The following CYP4F12 variants were observed in gnomAD, a reference collection of about 807,000 sequenced individuals.
CYP4F12 encodes cytochrome P450 4F12.
In CYP4F12, 60 loss-of-function variants were observed where a neutral mutation model predicts 56.5. The ratio of observed to expected loss-of-function variants is 1.06; its 90% CI spans 0.86 to 1.32. CYP4F12 has a LOEUF of 1.32. Among genes scored for constraint, CYP4F12 ranks in the 40% most tolerant of loss-of-function variants. The pLI is 0.00. For synonymous variants in CYP4F12, 263 were observed against 264.9 expected (o/e 0.99, Z 0.07); for missense variants, 711 against 683.5 (o/e 1.04, Z -0.45).
At position 15,695,984 on chromosome 19, in the gene CYP4F12, C is replaced by A; in HGVS notation, c.1164C>A (p.Ser388Arg). 6.2e-7 allele frequency: 1 copy of A among 1,613,972 alleles called. No individual in the cohort carries two copies. Among genetic ancestry groups the A allele is most frequent in the Non-Finnish European group, 8.5e-7 (1 of 1,179,966 alleles). Residue 388 changes from serine (S) to arginine (R), a missense_variant, in exon 10 of 13, where the codon AGC becomes AGA. Coordinates refer to ENST00000550308, the MANE Select transcript of CYP4F12 (RefSeq NM_023944.4). ...LPFLTMCVKE[S>R]LRLHPPAPFI... is the part of the protein sequence containing the mutation. ...TCCTGACCATGTGCGTGAAGGAGAG[C>A]CTGAGGTTACATCCCCCAGCTCCCT...
intron 9 of CYP4F12, among the ~76,000 whole-genome samples, chr19:15,693,091 G>C (rs941453700): frequency 2.0e-5 from 3 of 151,904 alleles, no homozygotes; most frequent in Non-Finnish European, 4.4e-5. Flanking sequence ...CATCAAAAAA[G>C]ATACAGAATA....
Position 15,685,059 on chromosome 19 carries a change from G to A in CYP4F12, c.986-9G>A, listed in dbSNP as rs1158912500. 6.2e-7 allele frequency: 1 copy of A among 1,610,250 alleles called. No individual in the cohort carries two copies. The highest frequency in any genetic ancestry group is 8.5e-7 in the Non-Finnish European group (1 of 1,177,570). On this transcript the variant is annotated splice_polypyrimidine_tract_variant and intron_variant, in intron 8 of 12. Transcript: ENST00000550308. ...GTGCTGAAGCCAAGCTTACCTGGCT[G>A]CTCCTCAGGCCATGACACCACGGCC...
intron 2 of CYP4F12, among the ~76,000 whole-genome samples, chr19:15,675,026 C>G (rs995962853): frequency 6.6e-6 from 1 of 152,234 alleles, no homozygotes; most frequent in African/African-American, 2.4e-5. Flanking sequence ...TCTCTGACTT[C>G]CTTCCCCACG....
chr19:15,692,411 T>C (rs1052111792), intron 9 of CYP4F12, among the ~76,000 whole-genome samples: 1 of 152,220 alleles, frequency 6.6e-6, no homozygotes, highest in Non-Finnish European at 1.5e-5. Flanking sequence ...ATGACTAGTA[T>C]CTTTTCTTTT....
rs10421387 is a variant in CYP4F12, at chr19:15,696,918, G to C, written c.1408G>C (p.Gly470Arg). The change falls in exon 13 of 13, where the codon GGG becomes CGG. Residue 470 changes from glycine (G) to arginine (R), a missense_variant. Physicochemically the swap from Gly to Arg is moderately radical, Grantham distance 125. Coordinates refer to ENST00000550308, the MANE Select transcript of CYP4F12 (RefSeq NM_023944.4). Reference sequence around the variant, plus strand: ...CACTCCCGCCTGCAGGAACTGCATCGGGCAGGCGTTCGCCATGGCGGAGAT... The same window carrying C: ...CACTCCCGCCTGCAGGAACTGCATCCGGCAGGCGTTCGCCATGGCGGAGAT... The part of the protein sequence containing the change: ...PFSAGPRNCI[G>R]QAFAMAEMKV... The C allele has an allele frequency of 1.9e-6, 3 of 1,612,920 alleles. No homozygotes were observed. The highest frequency in any genetic ancestry group is 1.7e-6 in the Non-Finnish European group (2 of 1,179,414).
chr19:15,673,443 C>A lies in CYP4F12; in HGVS notation c.-1-86C>A, dbSNP rs149738111. ...TGAGCCCTCCCTGCCCTGCCCCCAG[C>A]AGTTCCTGACTTCGCCCCTATACAC... On this transcript the variant is annotated intron_variant, in intron 1 of 12. Transcript: ENST00000550308. 1.4e-3 allele frequency: 1,954 copies of A among 1,447,260 alleles called. 26 individuals carry two copies. In the African/African-American group the frequency reaches 0.023, roughly 17 times the overall value. 89.7% of individuals were successfully genotyped at this position (1,447,260 alleles called of 1,614,324 possible). A position where few individuals can be genotyped will look rare whatever the true frequency, so the allele number is the denominator to read the frequency against.
At chr19:15,681,361 A>T (rs748012007) in intron 5 of CYP4F12, 2 of 152,206 alleles carry the variant, frequency 1.3e-5, no homozygotes, top group African/African-American at 2.4e-5. Context: ...GATTTTGTGA[A>T]GTGTCTAGGA....
In CYP4F12 at chr19:15,685,140, G is replaced by A. The variant is rs150856722; in HGVS notation, c.1058G>A (p.Arg353His). The A allele has an allele frequency of 7.5e-5, 121 of 1,614,202 alleles. No homozygotes were observed. The highest frequency in any genetic ancestry group is 1.6e-4 in the Middle Eastern group (1 of 6,062). ...GCGAGGCACCCAGAATACCAGGAGC[G>A]CTGCCGACAGGAGGTGCAAGAGCTT... ...NLARHPEYQE[R>H]CRQEVQELLK... Residue 353 changes from arginine (R) to histidine (H), a missense_variant, in exon 9 of 13, where the codon CGC (arginine) becomes CAC (histidine). Transcript: ENST00000550308.
chr19:15,693,612 C>A (rs59745796), intron 9 of CYP4F12, among the ~76,000 whole-genome samples: 1 of 142,394 alleles, frequency 7.0e-6, no homozygotes, highest in Non-Finnish European at 1.5e-5. Flanking sequence ...GAGTAGGTTG[C>A]GAAAATTTTC....
chr19:15,687,840 G>C (rs2007691956), intron 9 of CYP4F12, among the ~76,000 whole-genome samples: 1 of 152,176 alleles, frequency 6.6e-6, no homozygotes, highest in African/African-American at 2.4e-5. Flanking sequence ...ATGGACTGAG[G>C]GAAGCCATTC....
chr19:15,680,351 G>C, intron 4 of CYP4F12, 41 bp from the exon 5 acceptor site: 8 of 1,613,862 alleles, frequency 5.0e-6, no homozygotes, highest in Non-Finnish European at 6.8e-6. Flanking sequence ...GAGGGTAGGG[G>C]AAGTGCTGCT....
At chr19:15,696,786 G>GTCTTTC in intron 12 of CYP4F12, 122 bp from the exon 13 acceptor site, 1 of 1,341,780 alleles carries the variant, frequency 7.5e-7, no homozygotes, top group Non-Finnish European at 1.0e-6. Context: ...GGCACGCTTA[G>GTCTTTC]TCTTTCTCTC....
Position 15,680,530 on chromosome 19 carries a change from T to G in CYP4F12, c.525+11T>G, listed in dbSNP as rs1345874415. ...GCAAACATCATGCTTGTGAGTCCCTTGAAGTCTGGGTCCCAGATGGAGTCT... is the reference window on the plus strand; with the variant it reads ...GCAAACATCATGCTTGTGAGTCCCTGGAAGTCTGGGTCCCAGATGGAGTCT... On this transcript the variant is annotated intron_variant, in intron 5 of 12. Transcript: ENST00000550308. 2 of 1,614,086 alleles carry G rather than the reference T, an allele frequency of 1.2e-6. No homozygotes were observed. The highest frequency in any genetic ancestry group is 8.5e-7 in the Non-Finnish European group (1 of 1,180,004).
At position 15,678,415 on chromosome 19, in the gene CYP4F12, C is replaced by T. The variant is rs767808641; in HGVS notation, c.343+10C>T. The T allele has an allele frequency of 6.2e-6, 10 of 1,614,018 alleles. No homozygotes were observed. The highest frequency in any genetic ancestry group is 8.5e-6 in the Non-Finnish European group (10 of 1,179,916). ...ATCACCAATGCCTCAGGTACCCATG[C>T]AGAGCTTGTGGTGGTGGGTGCCAGA... is the stretch of plus-strand genomic sequence containing the variant. On this transcript the variant is annotated intron_variant, in intron 3 of 12. Coordinates refer to ENST00000550308, the MANE Select transcript of CYP4F12 (RefSeq NM_023944.4).
At chr19:15,677,274 G>C (rs62640406) in intron 2 of CYP4F12, among the ~76,000 whole-genome samples, 5,160 of 8,752 alleles carry the variant, frequency 0.59, 1,497 homozygotes, top group Middle Eastern at 1. Context: ...TGCTCACTTA[G>C]TCATTCCTCT....
chr19:15,684,121 A>G (rs2007470264), intron 7 of CYP4F12: 1 of 167,124 alleles, frequency 6.0e-6, no homozygotes, highest in Non-Finnish European at 1.3e-5. Context: ...CAGTAACAGC[A>G]GGTGGAGTAG....
rs769899802 is a variant in CYP4F12, at chr19:15,682,515, G to A, written c.647+5G>A. 5 of 1,612,832 alleles carry A rather than the reference G, an allele frequency of 3.1e-6. No individual in the cohort carries two copies. The African/African-American group carries it at 6.7e-5, about 22-fold the overall frequency. The stretch of plus-strand genomic sequence containing the variant: ...CTTTGACAGCCATTGTCAGGAGTGA[G>A]TTCCTTCCTAGGGCCTGGGATATGA... On this transcript the variant is annotated splice_donor_5th_base_variant and intron_variant, in intron 6 of 12. Transcript: ENST00000550308.
intron 9 of CYP4F12, among the ~76,000 whole-genome samples, chr19:15,687,616 A>T (rs1026246002): frequency 6.6e-6 from 1 of 151,738 alleles, no homozygotes; most frequent in Non-Finnish European, 1.5e-5. Context: ...GCTGCATTCT[A>T]CTCTGTGAGA....
chr19:15,688,811 TACA>T lies in CYP4F12; in HGVS notation c.1115+3615_1115+3617del, dbSNP rs548584597. 5.3e-5 allele frequency among the ~76,000 whole-genome samples: 8 copies of T among 152,318 alleles called. No individual in the cohort carries two copies. The South Asian group carries it at 1.7e-3, about 32-fold the overall frequency. On this transcript the variant is annotated intron_variant, in intron 9 of 12. Coordinates refer to ENST00000550308, the MANE Select transcript of CYP4F12 (RefSeq NM_023944.4). ...GGACCCAGAAATAAAGCCAAATACT[TACA>T]GCCAACTGATCTTTGACAAAGCATA...
Sources: gnomAD v4.1 joint callset for allele counts (sites outside exome capture counted in the v4.1 genomes callset) on GRCh38, gnomAD v4.1.1 for gene constraint, MANE v1.5 for transcripts, NCBI Gene and HGNC (gene_info 2026-07-23, HGNC 2026-07-21) for gene names.